RIT2: variants seen among roughly 807,000 people sequenced by gnomAD.
RIT2 encodes the protein GTP-binding protein Rit2.
RIT2 carries 24 observed loss-of-function variants against 23.7 expected under a neutral mutation model. The ratio of observed to expected loss-of-function variants is 1.01; its 90% CI spans 0.73 to 1.43. The LOEUF (loss-of-function observed/expected upper bound fraction) is 1.43, where lower values mean the gene tolerates loss of function less well. RIT2 is among the 40% of genes most tolerant of loss of function. RIT2 has a pLI of 0.00. For synonymous variants in RIT2, 107 were observed against 91.1 expected (o/e 1.17, Z -0.99); for missense variants, 236 against 266.9 (o/e 0.88, Z 0.81).
At chr18:42,934,303 C>T (rs1021157842) in intron 3 of RIT2, among the ~76,000 whole-genome samples, 1 of 152,084 alleles carries the variant, frequency 6.6e-6, no homozygotes, top group African/African-American at 2.4e-5. Context: ...TTCCATAACA[C>T]AAAAACATCA....
chr18:43,014,834 A>C (rs563249685), intron 2 of RIT2, among the ~76,000 whole-genome samples: 1 of 151,868 alleles, frequency 6.6e-6, no homozygotes, highest in Non-Finnish European at 1.5e-5. Context: ...TTCTTATGTA[A>C]ACTACATATA....
intron 4 of RIT2, among the ~76,000 whole-genome samples, chr18:42,877,378 T>C (rs1481908220): frequency 6.6e-6 from 1 of 151,692 alleles, no homozygotes; most frequent in African/African-American, 2.4e-5. Context: ...TGAGGGTAAC[T>C]TTGTTTTGCT....
At chr18:42,885,786 T>G (rs1229485431) in intron 4 of RIT2, among the ~76,000 whole-genome samples, 1 of 152,194 alleles carries the variant, frequency 6.6e-6, no homozygotes. Flanking sequence ...TTTGAAAGGT[T>G]TAACACATAT....
chr18:43,007,320 GA>G (rs1436918283), intron 2 of RIT2, among the ~76,000 whole-genome samples: 1 of 151,650 alleles, frequency 6.6e-6, no homozygotes, highest in Non-Finnish European at 1.5e-5. Flanking sequence ...TTTAAAATGT[GA>G]AAAGAATGGG....
chr18:42,765,585 C>A (rs1598645127), intron 4 of RIT2, among the ~76,000 whole-genome samples: 1 of 152,194 alleles, frequency 6.6e-6, no homozygotes, highest in Admixed American at 6.5e-5. Flanking sequence ...AAAGCAAAAC[C>A]CAAGCCCCAG....
chr18:43,082,834 C>T (rs1472976593), intron 1 of RIT2, among the ~76,000 whole-genome samples: 1 of 152,116 alleles, frequency 6.6e-6, no homozygotes, highest in South Asian at 2.1e-4. Context: ...GACAAGAATG[C>T]CCTCTCTCAC....
At chr18:43,037,442 A>AT (rs1478263127) in intron 1 of RIT2, among the ~76,000 whole-genome samples, 10 of 152,204 alleles carry the variant, frequency 6.6e-5, no homozygotes, top group African/African-American at 2.4e-4. Context: ...TTTTCTTTGA[A>AT]TTTACAATCG....
intron 4 of RIT2, among the ~76,000 whole-genome samples, chr18:42,795,656 G>A (rs600534): frequency 6.6e-6 from 1 of 152,238 alleles, no homozygotes; most frequent in Non-Finnish European, 1.5e-5. Flanking sequence ...CCTGCAGCCC[G>A]GGTGCGGGAT....
At position 43,057,798 on chromosome 18, in the gene RIT2, C is replaced by CTTTTTTTTTTTTTTTTTTTTTTTT. The variant is rs11393575; in HGVS notation, c.104-23932_104-23931insAAAAAAAAAAAAAAAAAAAAAAAA. 4.6e-4 allele frequency among the ~76,000 whole-genome samples: 57 copies of CTTTTTTTTTTTTTTTTTTTTTTTT among 122,646 alleles called. 3 individuals carry two copies. Among genetic ancestry groups the CTTTTTTTTTTTTTTTTTTTTTTTT allele is most frequent in the East Asian group, 1.7e-3 (7 of 4,090 alleles). The allele number at this position is 122,646 out of a possible 152,430, so 80.5% of individuals were successfully genotyped here. A position where few individuals can be genotyped will look rare whatever the true frequency, so the allele number is the denominator to read the frequency against. ...GAGCTAATCTTCCAAGTGATGGACA[C>CTTTTTTTTTTTTTTTTTTTTTTTT]TTTTTTTTTTTTTTTTTATCATCTA... On this transcript the variant is annotated intron_variant, in intron 1 of 4. Transcript: ENST00000326695.
At chr18:42,835,412 TTCTA>T (rs1906569281) in intron 4 of RIT2, among the ~76,000 whole-genome samples, 1 of 152,154 alleles carries the variant, frequency 6.6e-6, no homozygotes, top group Admixed American at 6.5e-5. Flanking sequence ...GAAACCTATG[TTCTA>T]TATTGGCCTC....
rs146115339 is a variant in RIT2, at chr18:43,047,166, G to A, written c.104-13299C>T. On this transcript the variant is annotated intron_variant, in intron 1 of 4. Coordinates refer to ENST00000326695, the MANE Select transcript of RIT2 (RefSeq NM_002930.4). ...TCTCATTTCCTTTTATTTTTCTACCGTTTCTCCTTTCTCAATGTCATATAT... is the reference window on the plus strand; with the variant it reads ...TCTCATTTCCTTTTATTTTTCTACCATTTCTCCTTTCTCAATGTCATATAT... 3.8e-3 allele frequency among the ~76,000 whole-genome samples: 573 copies of A among 151,660 alleles called. 3 individuals are homozygous for A. Among genetic ancestry groups the A allele is most frequent in the African/African-American group, 0.012 (483 of 41,334 alleles).
chr18:42,906,020 A>C (rs1170801439), intron 4 of RIT2, among the ~76,000 whole-genome samples: 31 of 11,152 alleles, frequency 2.8e-3, no homozygotes, highest in Non-Finnish European at 4.4e-3. Context: ...ATATATATAT[A>C]TGTATATATA....
intron 1 of RIT2, among the ~76,000 whole-genome samples, chr18:43,036,654 T>C (rs1267978586): frequency 1.3e-5 from 2 of 152,074 alleles, no homozygotes; most frequent in African/African-American, 4.8e-5. Context: ...TGTTGTATAA[T>C]TGAAAAAAGC....
intron 4 of RIT2, among the ~76,000 whole-genome samples, chr18:42,868,129 C>T (rs941468099): frequency 1.3e-5 from 2 of 152,156 alleles, no homozygotes; most frequent in African/African-American, 2.4e-5. Flanking sequence ...TTTTTCCACA[C>T]GTGCATATTT....
At chr18:43,009,329 G>A (rs2144252062) in intron 2 of RIT2, among the ~76,000 whole-genome samples, 1 of 151,776 alleles carries the variant, frequency 6.6e-6, no homozygotes, top group Admixed American at 6.6e-5. Context: ...AACAAGTGGA[G>A]CTCAGAAGGG....
chr18:42,981,296 G>A (rs927496167), intron 2 of RIT2, among the ~76,000 whole-genome samples: 6 of 152,094 alleles, frequency 3.9e-5, no homozygotes, highest in Middle Eastern at 3.2e-3. Flanking sequence ...GGTTGTATAT[G>A]ACAGAATGAG....
intron 2 of RIT2, among the ~76,000 whole-genome samples, chr18:43,015,151 A>C (rs926373675): frequency 6.6e-6 from 1 of 151,760 alleles, no homozygotes; most frequent in Non-Finnish European, 1.5e-5. Context: ...TATAGTAGTT[A>C]TATGAGTGGT....
At chr18:43,103,713 A>C (rs917566125) in intron 1 of RIT2, among the ~76,000 whole-genome samples, 3 of 152,196 alleles carry the variant, frequency 2.0e-5, no homozygotes, top group African/African-American at 7.2e-5. Context: ...ACAAAAAGTA[A>C]AATAGTTTGT....
intron 4 of RIT2, among the ~76,000 whole-genome samples, chr18:42,861,947 T>G (rs1324719424): frequency 6.6e-6 from 1 of 152,238 alleles, no homozygotes; most frequent in African/African-American, 2.4e-5. Context: ...CTCTCTGTAT[T>G]GCAACTACCA....
Sources: gnomAD v4.1 joint callset for allele counts (sites outside exome capture counted in the v4.1 genomes callset) on GRCh38, gnomAD v4.1.1 for gene constraint, MANE v1.5 for transcripts, NCBI Gene and HGNC (gene_info 2026-07-23, HGNC 2026-07-21) for gene names.